Variants in SLC9A9 observed in about 807,000 individuals in gnomAD.
The protein encoded by SLC9A9 is sodium/hydrogen exchanger 9.
In SLC9A9, 62 loss-of-function variants were observed where a neutral mutation model predicts 77.8. The ratio of observed to expected loss-of-function variants is 0.80; its 90% confidence interval spans 0.65 to 0.98. The LOEUF (loss-of-function observed/expected upper bound fraction) is 0.98, where lower values mean the gene tolerates loss of function less well. Among genes scored for constraint, SLC9A9 ranks in the 50% least tolerant of loss-of-function variants. SLC9A9 has a pLI of 0.00. For missense variants in SLC9A9, 775 were observed against 774.9 expected, an observed-to-expected ratio of 1.00 and a Z score of 0.00; for synonymous variants, 320 against 283.5, an observed-to-expected ratio of 1.13 and a Z score of -1.29.
At chr3:143,495,709 CT>C (rs1470091051) in intron 9 of SLC9A9, among the ~76,000 whole-genome samples, 2 of 152,134 alleles carry the variant, frequency 1.3e-5, no homozygotes, top group African/African-American at 4.8e-5. Context: ...CAGCATGATC[CT>C]TCCATGGAAC....
intron 11 of SLC9A9, among the ~76,000 whole-genome samples, chr3:143,468,196 T>C (rs2035318010): frequency 6.6e-6 from 1 of 152,206 alleles, no homozygotes; most frequent in Non-Finnish European, 1.5e-5. Context: ...AGGAGTACAA[T>C]CACTAGGTAG....
intron 11 of SLC9A9, among the ~76,000 whole-genome samples, chr3:143,471,263 T>G (rs1311111055): frequency 6.6e-6 from 1 of 152,204 alleles, no homozygotes; most frequent in East Asian, 1.9e-4. Context: ...GACTATTGTC[T>G]ATGTCCTACC....
intron 13 of SLC9A9, among the ~76,000 whole-genome samples, chr3:143,368,011 C>A (rs533067684): frequency 5.3e-5 from 8 of 152,232 alleles, no homozygotes; most frequent in African/African-American, 1.9e-4. Context: ...GTGAGTCAAG[C>A]ATGTTGAATC....
chr3:143,597,437 T>C (rs1276478506), intron 6 of SLC9A9, among the ~76,000 whole-genome samples: 1 of 152,194 alleles, frequency 6.6e-6, no homozygotes, highest in Non-Finnish European at 1.5e-5. Flanking sequence ...AAAGTTAAGC[T>C]GTTGACCCTG....
Position 143,578,374 on chromosome 3 carries a change from G to A in SLC9A9, c.894+211C>T, listed in dbSNP as rs553282950. Among the ~76,000 whole-genome samples, 93 of 152,250 alleles carry A rather than the reference G, an allele frequency of 6.1e-4. 1 individual carries two copies. The highest frequency in any genetic ancestry group is 1.9e-3 in the African/African-American group (81 of 41,544). Reference sequence around the variant, plus strand: ...TCAATAGCATTAGAACTGACCTTGGGCAAGAAGAGAGCTTGGGCCCCTCTG... The same window carrying A: ...TCAATAGCATTAGAACTGACCTTGGACAAGAAGAGAGCTTGGGCCCCTCTG... On this transcript the variant is annotated intron_variant, in intron 7 of 15. Coordinates refer to ENST00000316549, the MANE Select transcript of SLC9A9 (RefSeq NM_173653.4).
chr3:143,780,999 A>T (rs985355601), intron 4 of SLC9A9, among the ~76,000 whole-genome samples: 1 of 152,202 alleles, frequency 6.6e-6, no homozygotes, highest in Non-Finnish European at 1.5e-5. Context: ...CCCTGCCTGA[A>T]ATTAAGAAGA....
At chr3:143,596,121 G>A (rs1450708267) in intron 6 of SLC9A9, among the ~76,000 whole-genome samples, 1 of 152,108 alleles carries the variant, frequency 6.6e-6, no homozygotes, top group African/African-American at 2.4e-5. Context: ...ACCAGGGTAC[G>A]ACATAGTTTA....
chr3:143,607,980 T>C (rs940344113), intron 6 of SLC9A9, among the ~76,000 whole-genome samples: 37 of 152,074 alleles, frequency 2.4e-4, no homozygotes, highest in African/African-American at 8.9e-4. Context: ...ATTTTTGGAA[T>C]ACTGAAAAAA....
intron 6 of SLC9A9, among the ~76,000 whole-genome samples, chr3:143,623,659 G>T (rs1347318993): frequency 6.6e-6 from 1 of 152,096 alleles, no homozygotes; most frequent in African/African-American, 2.4e-5. Context: ...ACAAGAGAAA[G>T]CAGGAAAGAT....
chr3:143,580,943 A>G (rs2037440801), intron 6 of SLC9A9, among the ~76,000 whole-genome samples: 1 of 152,210 alleles, frequency 6.6e-6, no homozygotes, highest in Non-Finnish European at 1.5e-5. Context: ...GGCAGGGAAG[A>G]GCATAGAGAA....
At chr3:143,282,851 T>C (rs1436201917) in intron 14 of SLC9A9, among the ~76,000 whole-genome samples, 1 of 152,214 alleles carries the variant, frequency 6.6e-6, no homozygotes. Flanking sequence ...TATTTGGATT[T>C]TCCTGTTATA....
chr3:143,478,783 G>A (rs529988298), intron 11 of SLC9A9, among the ~76,000 whole-genome samples: 1 of 152,178 alleles, frequency 6.6e-6, no homozygotes, highest in East Asian at 1.9e-4. Flanking sequence ...AACATGGTTT[G>A]CTTGTGTTAA....
chr3:143,547,357 A>G (rs939517852), intron 9 of SLC9A9, among the ~76,000 whole-genome samples: 1 of 152,174 alleles, frequency 6.6e-6, no homozygotes, highest in African/African-American at 2.4e-5. Context: ...TCTATGTCCA[A>G]CTGGCTACAC....
chr3:143,397,799 A>T (rs1576470853), intron 12 of SLC9A9, among the ~76,000 whole-genome samples: 1 of 152,170 alleles, frequency 6.6e-6, no homozygotes, highest in African/African-American at 2.4e-5. Flanking sequence ...ATGGGAATGC[A>T]TTCTCTTGAT....
At chr3:143,468,546 T>A (rs10935494) in intron 11 of SLC9A9, among the ~76,000 whole-genome samples, 25,883 of 152,196 alleles carry the variant, frequency 0.17, 3,575 homozygotes, top group African/African-American at 0.38. Flanking sequence ...TTTTCAAAAT[T>A]GTTTTAGCTA....
At chr3:143,419,188 C>T (rs779140313) in intron 12 of SLC9A9, among the ~76,000 whole-genome samples, 1 of 152,176 alleles carries the variant, frequency 6.6e-6, no homozygotes, top group Non-Finnish European at 1.5e-5. Context: ...AACAAAGGCA[C>T]AAGATGGTAA....
chr3:143,419,612 A>C (rs1042909372), intron 12 of SLC9A9, among the ~76,000 whole-genome samples: 5 of 152,182 alleles, frequency 3.3e-5, no homozygotes, highest in Non-Finnish European at 7.4e-5. Flanking sequence ...GCTAGCCAGC[A>C]TGTATTTATG....
At chr3:143,627,569 G>A in intron 6 of SLC9A9, 1 of 320,200 alleles carries the variant, frequency 3.1e-6, no homozygotes. Context: ...GTAGTCAGCG[G>A]TGGTTCTTTT....
intron 13 of SLC9A9, among the ~76,000 whole-genome samples, chr3:143,376,233 G>T (rs1019770084): frequency 6.6e-6 from 1 of 152,156 alleles, no homozygotes; most frequent in Non-Finnish European, 1.5e-5. Context: ...TGATACTCTC[G>T]ATAGGGTTGG....
Sources: allele counts gnomAD v4.1 joint callset (sites outside exome capture counted in the v4.1 genomes callset), GRCh38; gene constraint gnomAD v4.1.1; transcripts MANE v1.5; gene names NCBI Gene and HGNC (gene_info 2026-07-23, HGNC 2026-07-21).